Variants in ELMOD2 observed in about 807,000 individuals in gnomAD.
ELMOD2 encodes the protein ELMO domain-containing protein 2.
A neutral mutation model predicts 41.0 loss-of-function variants in ELMOD2; 28 were observed. That is an observed-to-expected ratio of 0.68 (90% confidence interval 0.51 to 0.94). The LOEUF (loss-of-function observed/expected upper bound fraction) is 0.94, where lower values mean the gene tolerates loss of function less well. Among genes scored for constraint, ELMOD2 ranks in the 40% least tolerant of loss-of-function variants. The probability of loss-of-function intolerance (pLI) is 0.00; values close to 1 mark genes in which losing one functional copy is unlikely to be tolerated. For missense variants in ELMOD2, 333 were observed against 343.1 expected, an observed-to-expected ratio of 0.97 and a Z score of 0.23; for synonymous variants, 106 against 107.2, an observed-to-expected ratio of 0.99 and a Z score of 0.07.
Position 140,525,712 on chromosome 4 carries a change from C to T in ELMOD2, c.142+142C>T, listed in dbSNP as rs1490532881. The T allele has an allele frequency of 1.0e-5, 8 of 782,592 alleles. No homozygotes were observed. In the East Asian group the frequency reaches 1.9e-4, roughly 19 times the overall value. 48.5% of individuals were successfully genotyped at this position (782,592 alleles called of 1,614,324 possible). ...CATAAGCTCTGAAGTCCCGCTTTGA[C>T]TCCTTCAGCTCTAAAATTGTATGAA... On this transcript the variant is annotated intron_variant, in intron 2 of 8. Transcript: ENST00000323570.
At chr4:140,545,562 A>G (rs933337365) in intron 8 of ELMOD2, among the ~76,000 whole-genome samples, 5 of 152,192 alleles carry the variant, frequency 3.3e-5, no homozygotes, top group African/African-American at 1.2e-4. Context: ...GTAGGAGCCA[A>G]TGCAACATGT....
chr4:140,552,225 C>A lies in ELMOD2; in HGVS notation c.*1850C>A, dbSNP rs1295628061. On this transcript the variant is annotated 3_prime_UTR_variant, in exon 9 of 9. Transcript: ENST00000323570. The stretch of plus-strand genomic sequence containing the variant: ...AGCTGAGAGCTTGAACTGATTTAAA[C>A]ATTTGTCAATATACTTAAGAATGCT... 2 of 151,918 alleles carry A rather than the reference C, an allele frequency of 1.3e-5. No homozygotes were observed. The highest frequency in any genetic ancestry group is 2.9e-5 in the Non-Finnish European group (2 of 67,878). 9.4% of individuals were successfully genotyped at this position (151,918 alleles called of 1,614,324 possible).
In ELMOD2 at chr4:140,542,581, A is replaced by G; in HGVS notation, c.541A>G (p.Ser181Gly). Residue 181 changes from serine (S) to glycine (G), a missense_variant, in exon 7 of 9, where the codon AGT (serine) becomes GGT (glycine). By Grantham distance (56) the Ser-to-Gly change is moderately conservative. Coordinates refer to ENST00000323570, the MANE Select transcript of ELMOD2 (RefSeq NM_153702.4). ...ILGLINLVYF[S>G]ENYTSEAHQI... ...TTTTCTTAAACTTTTTAGGTATTTC[A>G]GTGAAAATTACACTAGTGAAGCTCA... 1 of 1,603,912 alleles carries G rather than the reference A, an allele frequency of 6.2e-7. No homozygotes were observed. Among genetic ancestry groups the G allele is most frequent in the Non-Finnish European group, 8.5e-7 (1 of 1,174,268 alleles).
At chr4:140,525,251 G>A (rs1262316062) in intron 1 of ELMOD2, 169 bp from the exon 2 acceptor site, 3 of 581,008 alleles carry the variant, frequency 5.2e-6, no homozygotes, top group East Asian at 3.2e-5. Flanking sequence ...AATTAATAGC[G>A]GTATATATTA....
Position 140,553,757 on chromosome 4 carries a change from CAT to C in ELMOD2, c.*3383_*3384del, listed in dbSNP as rs1462524595. The C allele has an allele frequency of 2.0e-5, 3 of 152,106 alleles. No individual in the cohort carries two copies. The highest frequency in any genetic ancestry group is 4.4e-5 in the Non-Finnish European group (3 of 67,976). 9.4% of individuals were successfully genotyped at this position (152,106 alleles called of 1,614,324 possible). A position where few individuals can be genotyped will look rare whatever the true frequency, so the allele number is the denominator to read the frequency against. On this transcript the variant is annotated 3_prime_UTR_variant, in exon 9 of 9. Transcript: ENST00000323570. Reference sequence around the variant, plus strand: ...GAATGTTAAGTGAGCAAATAAAAAACATGTTGAAATTGTTGTAAGCCTTCCTG... The same window carrying C: ...GAATGTTAAGTGAGCAAATAAAAAACGTTGAAATTGTTGTAAGCCTTCCTG...
intron 8 of ELMOD2, among the ~76,000 whole-genome samples, chr4:140,545,147 C>T (rs116231923): frequency 8.6e-5 from 13 of 151,964 alleles, no homozygotes; most frequent in East Asian, 1.9e-4. Flanking sequence ...TTTTTTTTGC[C>T]GCCTAATACA....
intron 8 of ELMOD2, among the ~76,000 whole-genome samples, chr4:140,546,375 T>A (rs977138446): frequency 6.6e-6 from 1 of 151,818 alleles, no homozygotes; most frequent in Non-Finnish European, 1.5e-5. Flanking sequence ...TTAGGAGATA[T>A]ACCTAATGTA....
At chr4:140,530,112 T>G (rs1181647627) in intron 3 of ELMOD2, among the ~76,000 whole-genome samples, 2 of 152,222 alleles carry the variant, frequency 1.3e-5, no homozygotes, top group East Asian at 1.9e-4. Context: ...GTAGTGTTTC[T>G]TTTATTTACT....
rs1038875188 is a variant in ELMOD2 at position 140,551,325 on chromosome 4, A to C, written c.*950A>C. ...AGTTTTAAAAAAATCTCAGTTAAACATCATTGGTTTATTTGACTTACTGTT... is the reference window on the plus strand; with the variant it reads ...AGTTTTAAAAAAATCTCAGTTAAACCTCATTGGTTTATTTGACTTACTGTT... On this transcript the variant is annotated 3_prime_UTR_variant, in exon 9 of 9. Coordinates refer to ENST00000323570, the MANE Select transcript of ELMOD2 (RefSeq NM_153702.4). 6.6e-6 allele frequency: 1 copy of C among 152,104 alleles called. No individual in the cohort carries two copies. Among genetic ancestry groups the C allele is most frequent in the Non-Finnish European group, 1.5e-5 (1 of 67,950 alleles). 9.4% of individuals were successfully genotyped at this position (152,104 alleles called of 1,614,324 possible).
At chr4:140,540,026 C>A (rs149203668) in intron 5 of ELMOD2, 142 bp from the exon 6 acceptor site, 1 of 878,214 alleles carries the variant, frequency 1.1e-6, no homozygotes, top group Non-Finnish European at 1.7e-6. Flanking sequence ...AAATGTGCTG[C>A]GTGTTTTAGG....
In ELMOD2 at chr4:140,537,550, C is replaced by A. The variant is rs1734974116; in HGVS notation, c.399+9C>A. On this transcript the variant is annotated intron_variant, in intron 5 of 8. Transcript: ENST00000323570. The stretch of plus-strand genomic sequence containing the variant: ...AAGAGCTACTCATGAAGGTAAATTT[C>A]TGTTTTCTTTATGTGGAGTTGTTGA... 3 of 1,596,908 alleles carry A rather than the reference C, an allele frequency of 1.9e-6. No homozygotes were observed. Among genetic ancestry groups the A allele is most frequent in the Non-Finnish European group, 2.6e-6 (3 of 1,173,862 alleles).
rs184637706 is a variant in ELMOD2, at chr4:140,537,740, G to A, written c.399+199G>A. On this transcript the variant is annotated intron_variant, in intron 5 of 8. Transcript: ENST00000323570. The stretch of plus-strand genomic sequence containing the variant: ...AGGTATTTTTATCATTTTCTGATAA[G>A]CATTATTATAAATATATAATGAATA... Among the ~76,000 whole-genome samples, 372 of 150,626 alleles carry A rather than the reference G, an allele frequency of 2.5e-3. 6 individuals are homozygous for A. The highest frequency in any genetic ancestry group is 0.021 in the Admixed American group (320 of 15,120).
chr4:140,527,898 TAGTC>T (rs77727532), intron 3 of ELMOD2: 3,650 of 160,202 alleles, frequency 0.023, 174 homozygotes, highest in East Asian at 0.22. Flanking sequence ...TGCTATGTAT[TAGTC>T]AGCTTTTGCT....
At position 140,543,575 on chromosome 4, in the gene ELMOD2, A is replaced by G. The variant is rs1735174151; in HGVS notation, c.725A>G (p.His242Arg). ...VPGIPTMEHF[H>R]QFYCYLVYEF... Reference sequence around the variant, plus strand: ...GGTATACCAACAATGGAACACTTTCATCAGTTTTACTGTGAGTATTAAAAT... The same window carrying G: ...GGTATACCAACAATGGAACACTTTCGTCAGTTTTACTGTGAGTATTAAAAT... Residue 242 changes from histidine (H) to arginine (R), a missense_variant, in exon 8 of 9, where the codon CAT becomes CGT. By Grantham distance (29) the His-to-Arg change is conservative. Transcript: ENST00000323570. 2 of 1,593,886 alleles carry G rather than the reference A, an allele frequency of 1.3e-6. No homozygotes were observed. Among genetic ancestry groups the G allele is most frequent in the African/African-American group, 1.4e-5 (1 of 73,756 alleles).
At chr4:140,534,314 G>A (rs1734843571) in intron 3 of ELMOD2, among the ~76,000 whole-genome samples, 1 of 152,134 alleles carries the variant, frequency 6.6e-6, no homozygotes, top group South Asian at 2.1e-4. Context: ...ACACAAAATA[G>A]TACGTACTTT....
Position 140,542,555 on chromosome 4 carries a change from T to C in ELMOD2, c.534-19T>C. ...TGAATGGCGTACATTTGTTTGATTA[T>C]TTTTCTTAAACTTTTTAGGTATTTC... On this transcript the variant is annotated intron_variant, in intron 6 of 8. Transcript: ENST00000323570. 1 of 1,571,606 alleles carries C rather than the reference T, an allele frequency of 6.4e-7. No individual in the cohort carries two copies. The highest frequency in any genetic ancestry group is 1.2e-5 in the South Asian group (1 of 86,810).
intron 2 of ELMOD2, 125 bp downstream of exon 2, chr4:140,525,695 C>G: frequency 9.5e-7 from 1 of 1,056,478 alleles, no homozygotes; most frequent in Non-Finnish European, 1.3e-6. Flanking sequence ...TTCATAAGCT[C>G]TGAAGTCCCG....
At chr4:140,544,051 T>C (rs1735190215) in intron 8 of ELMOD2, among the ~76,000 whole-genome samples, 1 of 152,170 alleles carries the variant, frequency 6.6e-6, no homozygotes, top group Non-Finnish European at 1.5e-5. Context: ...GAGTAACTGT[T>C]CCTAAAGCTG....
intron 2 of ELMOD2, 85 bp downstream of exon 2, chr4:140,525,655 T>G (rs1734540678): frequency 1.2e-5 from 17 of 1,420,416 alleles, no homozygotes; most frequent in Non-Finnish European, 1.5e-5. Context: ...TGTATTTCTT[T>G]TGTATCCTGA....
Sources: allele counts gnomAD v4.1 joint callset (sites outside exome capture counted in the v4.1 genomes callset), GRCh38; gene constraint gnomAD v4.1.1; transcripts MANE v1.5; gene names NCBI Gene and HGNC (gene_info 2026-07-23, HGNC 2026-07-21).